The following MTARC2 variants were observed in gnomAD, a reference collection of about 807,000 sequenced individuals.
MTARC2 encodes MOCO sulphurase C-terminal domain containing 2.
In MTARC2, 27 loss-of-function variants were observed where a neutral mutation model predicts 35.6. That is an observed-to-expected ratio of 0.76 (90% CI 0.56 to 1.04). The LOEUF (loss-of-function observed/expected upper bound fraction) is 1.04, where lower values mean the gene tolerates loss of function less well. Among genes scored for constraint, MTARC2 ranks in the 50% least tolerant of loss-of-function variants. The pLI, the probability that MTARC2 is intolerant of heterozygous loss-of-function variation, is 0.00. For synonymous variants in MTARC2, 158 were observed against 167.1 expected, an observed-to-expected ratio of 0.95 and a Z score of 0.42; for missense variants, 412 against 432.5, an observed-to-expected ratio of 0.95 and a Z score of 0.42.
At chr1:220,770,085 C>T (rs1439320976) in intron 4 of MTARC2, among the ~76,000 whole-genome samples, 2 of 151,862 alleles carry the variant, frequency 1.3e-5, no homozygotes, top group African/African-American at 4.8e-5. Flanking sequence ...CCAGCCTGGG[C>T]GACAGAGCAA....
At chr1:220,755,159 T>C (rs1333843875) in intron 2 of MTARC2, 39 bp downstream of exon 2, 1 of 1,550,826 alleles carries the variant, frequency 6.4e-7, no homozygotes, top group Non-Finnish European at 8.7e-7. Context: ...TGCAACAGGC[T>C]TGGTTTCTCT....
chr1:220,748,660 A>G lies in MTARC2; in HGVS notation c.129A>G (p.Ala43=), dbSNP rs72472371. 380 of 1,565,936 alleles carry G rather than the reference A, an allele frequency of 2.4e-4. 1 individual carries two copies. In the African/African-American group the frequency reaches 4.5e-3, roughly 18 times the overall value. Residue 43 remains alanine, a synonymous_variant, in exon 1 of 8, where the codon GCA becomes GCG. Transcript: ENST00000366913. ...VALGTVAWRR[A]WPRRRRRLQQ... is the part of the protein sequence containing the mutation. ...TGGGGACTGTCGCCTGGCGCCGCGC[A>G]TGGCCCAGGCGGCGCCGGCGGCTGC...
At chr1:220,762,833 G>A (rs1329070910) in intron 3 of MTARC2, 77 bp from the exon 4 acceptor site, 1 of 1,524,156 alleles carries the variant, frequency 6.6e-7, no homozygotes, top group African/African-American at 1.4e-5. Flanking sequence ...TTTGCTTCTG[G>A]ACATTACTTA....
At chr1:220,751,926 G>A (rs1671135483) in intron 1 of MTARC2, among the ~76,000 whole-genome samples, 2 of 152,192 alleles carry the variant, frequency 1.3e-5, no homozygotes, top group African/African-American at 4.8e-5. Flanking sequence ...TGCACAAGAG[G>A]TGAAAAATAA....
At chr1:220,751,779 A>G (rs1341388674) in intron 1 of MTARC2, among the ~76,000 whole-genome samples, 1 of 152,184 alleles carries the variant, frequency 6.6e-6, no homozygotes, top group South Asian at 2.1e-4. Flanking sequence ...TTTACCTGTG[A>G]ATTCAAGGTG....
chr1:220,780,253 ACAGC>A lies in MTARC2; in HGVS notation c.884+18_884+21del, dbSNP rs762116072. The A allele has an allele frequency of 2.5e-6, 4 of 1,603,768 alleles. No individual in the cohort carries two copies. In the South Asian group the frequency reaches 4.4e-5, roughly 18 times the overall value. ...CACCCTGAAGAGGTAGAATACCACC[ACAGC>A]CAGTGTATTTTAAATATTATCTCCA... is the stretch of plus-strand genomic sequence containing the variant. On this transcript the variant is annotated intron_variant, in intron 6 of 7. Coordinates refer to ENST00000366913, the MANE Select transcript of MTARC2 (RefSeq NM_017898.5).
At chr1:220,749,902 A>G (rs1671086503) in intron 1 of MTARC2, among the ~76,000 whole-genome samples, 1 of 152,192 alleles carries the variant, frequency 6.6e-6, no homozygotes, top group African/African-American at 2.4e-5. Flanking sequence ...GCCCTCTTAA[A>G]GAAATGTGGA....
intron 4 of MTARC2, among the ~76,000 whole-genome samples, chr1:220,776,047 A>G (rs1425849845): frequency 2.0e-5 from 3 of 152,224 alleles, no homozygotes; most frequent in African/African-American, 4.8e-5. Flanking sequence ...ATACCCAGTA[A>G]TGGGATTGCT....
At chr1:220,754,243 C>T in intron 1 of MTARC2, 1 of 447,204 alleles carries the variant, frequency 2.2e-6, no homozygotes, top group South Asian at 1.6e-5. Flanking sequence ...CTTCCCCTCA[C>T]TCTTCAGCTC....
intron 4 of MTARC2, among the ~76,000 whole-genome samples, chr1:220,769,425 A>G (rs528884102): frequency 3.5e-4 from 54 of 152,318 alleles, no homozygotes; most frequent in African/African-American, 1.3e-3. Context: ...ACATCGGGCC[A>G]GCGGACAGCC....
At chr1:220,782,708 T>C (rs1195582605) in intron 7 of MTARC2, among the ~76,000 whole-genome samples, 1 of 152,212 alleles carries the variant, frequency 6.6e-6, no homozygotes, top group Non-Finnish European at 1.5e-5. Context: ...ACCCACAACC[T>C]GACCCTCCTT....
intron 4 of MTARC2, among the ~76,000 whole-genome samples, chr1:220,778,247 CAAAAAAAAAA>C (rs60336134): frequency 2.1e-5 from 2 of 97,358 alleles, no homozygotes; most frequent in Admixed American, 1.3e-4. Flanking sequence ...GACTCTGTCT[CAAAAAAAAAA>C]AAAAAAAAAA....
intron 1 of MTARC2, among the ~76,000 whole-genome samples, chr1:220,752,255 A>G (rs1226085507): frequency 6.6e-6 from 1 of 152,226 alleles, no homozygotes; most frequent in Non-Finnish European, 1.5e-5. Flanking sequence ...AATAATGTGC[A>G]AACAGGTTTG....
At chr1:220,766,823 C>CTT (rs200750094) in intron 4 of MTARC2, among the ~76,000 whole-genome samples, 4 of 106,050 alleles carry the variant, frequency 3.8e-5, no homozygotes, top group African/African-American at 1.4e-4. Context: ...TCTTCTTCTT[C>CTT]TTTTTTTTTT....
intron 4 of MTARC2, among the ~76,000 whole-genome samples, chr1:220,767,686 G>C (rs1428512634): frequency 1.3e-5 from 2 of 152,198 alleles, no homozygotes; most frequent in African/African-American, 4.8e-5. Flanking sequence ...GTTTGTATCA[G>C]TCCTCACTCC....
intron 4 of MTARC2, among the ~76,000 whole-genome samples, chr1:220,770,223 T>G (rs1671706001): frequency 6.6e-6 from 1 of 152,224 alleles, no homozygotes; most frequent in South Asian, 2.1e-4. Context: ...AAAGTCCATT[T>G]CTCGAGATGT....
chr1:220,773,281 G>T (rs558841170), intron 4 of MTARC2, among the ~76,000 whole-genome samples: 11 of 152,290 alleles, frequency 7.2e-5, no homozygotes, highest in Admixed American at 5.2e-4. Context: ...GATGGGGTTT[G>T]GAGAGCTTCT....
chr1:220,776,973 C>T (rs947412556), intron 4 of MTARC2, among the ~76,000 whole-genome samples: 29 of 152,168 alleles, frequency 1.9e-4, no homozygotes, highest in African/African-American at 6.3e-4. Flanking sequence ...ACAGTAGCTG[C>T]CTTCCTGGGT....
intron 1 of MTARC2, among the ~76,000 whole-genome samples, chr1:220,754,659 G>A (rs1373516892): frequency 6.6e-6 from 1 of 152,184 alleles, no homozygotes. Flanking sequence ...TGACTAAGCA[G>A]TGAGGGAGAG....
Sources: allele counts gnomAD v4.1 joint callset (sites outside exome capture counted in the v4.1 genomes callset), GRCh38; gene constraint gnomAD v4.1.1; transcripts MANE v1.5; gene names NCBI Gene and HGNC (gene_info 2026-07-23, HGNC 2026-07-21).